Variants in KCNH1 observed in about 807,000 individuals in gnomAD.
KCNH1 encodes the protein potassium voltage-gated channel subfamily H member 1.
In KCNH1, 27 loss-of-function variants were observed where a neutral mutation model predicts 69.2. The observed-to-expected ratio is 0.39, with a 90% CI of 0.29 to 0.54. The LOEUF (loss-of-function observed/expected upper bound fraction) is 0.54, where lower values mean the gene tolerates loss of function less well. KCNH1 is among the 20% of genes least tolerant of loss of function. The pLI is 0.68. For synonymous variants in KCNH1, 456 were observed against 487.7 expected (o/e 0.93, Z 0.86); for missense variants, 798 against 1,261.6 (o/e 0.63, Z 5.57).
chr1:210,683,892 C>G lies in KCNH1; in HGVS notation c.2359G>C (p.Val787Leu). ...SANHSLVKASVVTVRESPATP... is the reference protein window; with the variant it reads ...SANHSLVKASLVTVRESPATP... ...GCAGGACTCTCACGCACGGTGACCA[C>G]GCTGGCCTTCACGAGGCTGTGGTTG... The change falls in exon 11 of 11, where the codon GTG (valine) becomes CTG (leucine). Residue 787 changes from valine (V) to leucine (L), a missense_variant. Transcript: ENST00000271751. The surrounding 1 kb of genome is among the most constrained non-coding windows in gnomAD (Gnocchi z 5.7). The G allele has an allele frequency of 6.2e-7, 1 of 1,613,832 alleles. No individual in the cohort carries two copies. Among genetic ancestry groups the G allele is most frequent in the Non-Finnish European group, 8.5e-7 (1 of 1,179,724 alleles).
intron 6 of KCNH1, among the ~76,000 whole-genome samples, chr1:210,965,456 A>G (rs1358248654): frequency 6.6e-6 from 1 of 152,148 alleles, no homozygotes; most frequent in Non-Finnish European, 1.5e-5. Flanking sequence ...TCTTCACAGA[A>G]TTAGAAAAAA....
chr1:210,742,482 G>A (rs1253283735), intron 10 of KCNH1, among the ~76,000 whole-genome samples: 1 of 152,190 alleles, frequency 6.6e-6, no homozygotes, highest in African/African-American at 2.4e-5. Context: ...GGCTCAAGGA[G>A]GCAGGCCGCA....
chr1:210,816,123 C>G (rs937169701), intron 7 of KCNH1, among the ~76,000 whole-genome samples: 9 of 152,126 alleles, frequency 5.9e-5, no homozygotes, highest in African/African-American at 2.2e-4. Flanking sequence ...AACTCATCAG[C>G]CATTGCCATA....
intron 7 of KCNH1, among the ~76,000 whole-genome samples, chr1:210,854,867 T>C (rs1685798665): frequency 6.6e-6 from 1 of 152,168 alleles, no homozygotes; most frequent in African/African-American, 2.4e-5. Context: ...ATCTCATATA[T>C]GTATAGATAC....
chr1:210,736,056 A>G (rs1682872201), intron 10 of KCNH1, among the ~76,000 whole-genome samples: 1 of 149,842 alleles, frequency 6.7e-6, no homozygotes, highest in African/African-American at 2.5e-5. Context: ...TTTTTTAGAG[A>G]TAGGGTCTCA....
chr1:210,993,832 G>C (rs1055059244), intron 6 of KCNH1, among the ~76,000 whole-genome samples: 5 of 152,058 alleles, frequency 3.3e-5, no homozygotes, highest in African/African-American at 1.2e-4. Flanking sequence ...GTGAGAACAA[G>C]ATTTGTTCTC....
chr1:210,948,412 T>A (rs1687999111), intron 6 of KCNH1, among the ~76,000 whole-genome samples: 1 of 152,056 alleles, frequency 6.6e-6, no homozygotes, highest in Non-Finnish European at 1.5e-5. Flanking sequence ...GAAAAATCAT[T>A]GAGTTAAGGC....
At chr1:210,932,476 A>G (rs1294272998) in intron 6 of KCNH1, among the ~76,000 whole-genome samples, 2 of 152,156 alleles carry the variant, frequency 1.3e-5, no homozygotes, top group Non-Finnish European at 2.9e-5. Context: ...CCAGAAAACA[A>G]CAAACAAAAT....
chr1:211,073,513 T>C (rs907910384), intron 5 of KCNH1, among the ~76,000 whole-genome samples: 1 of 152,172 alleles, frequency 6.6e-6, no homozygotes, highest in African/African-American at 2.4e-5. Context: ...AATCATACAA[T>C]GTCTGCTCTC....
intron 7 of KCNH1, among the ~76,000 whole-genome samples, chr1:210,898,856 T>A (rs555256173): frequency 1.3e-5 from 2 of 152,218 alleles, no homozygotes; most frequent in South Asian, 4.2e-4. Context: ...TGGACTCAGG[T>A]AAAGACAGAA....
intron 7 of KCNH1, among the ~76,000 whole-genome samples, chr1:210,876,364 A>G (rs1451292140): frequency 6.6e-6 from 1 of 152,064 alleles, no homozygotes; most frequent in Non-Finnish European, 1.5e-5. Flanking sequence ...CCTTCCTCCC[A>G]TCCTACATCT....
At chr1:210,774,146 C>G (rs12562303) in intron 10 of KCNH1, among the ~76,000 whole-genome samples, 6,793 of 152,122 alleles carry the variant, frequency 0.045, 297 homozygotes, top group East Asian at 0.14. Flanking sequence ...ATACACCATG[C>G]TGAAATGTGC....
chr1:211,118,615 T>C (rs775770022), intron 1 of KCNH1, among the ~76,000 whole-genome samples: 3 of 152,188 alleles, frequency 2.0e-5, no homozygotes, highest in African/African-American at 7.2e-5. Flanking sequence ...AAACATTCTC[T>C]AAAAATTTAA....
At chr1:210,957,007 G>A (rs755653699) in intron 6 of KCNH1, among the ~76,000 whole-genome samples, 1 of 152,080 alleles carries the variant, frequency 6.6e-6, no homozygotes, top group Non-Finnish European at 1.5e-5. Context: ...TGTGATGTTA[G>A]GGTGTCGATT....
At chr1:210,747,263 A>G (rs1683180765) in intron 10 of KCNH1, among the ~76,000 whole-genome samples, 1 of 152,128 alleles carries the variant, frequency 6.6e-6, no homozygotes, top group Non-Finnish European at 1.5e-5. Context: ...TTAGAGAGCC[A>G]CAGGGAGGTA....
At chr1:210,859,125 G>A in intron 7 of KCNH1, 2 of 1,106,506 alleles carry the variant, frequency 1.8e-6, no homozygotes, top group Non-Finnish European at 2.8e-6. Context: ...CTACTAGGAG[G>A]AACACAAGCT....
chr1:210,822,202 A>C (rs1684943344), intron 7 of KCNH1, among the ~76,000 whole-genome samples: 1 of 151,930 alleles, frequency 6.6e-6, no homozygotes, highest in African/African-American at 2.4e-5. Flanking sequence ...GGGCCCAGAG[A>C]AAAATTTTGA....
chr1:210,820,799 A>G (rs1243410988), intron 7 of KCNH1, among the ~76,000 whole-genome samples: 1 of 152,136 alleles, frequency 6.6e-6, no homozygotes, highest in Non-Finnish European at 1.5e-5. Context: ...TGACTGAAGC[A>G]AGAGGCTGGA....
intron 7 of KCNH1, among the ~76,000 whole-genome samples, chr1:210,884,844 G>A (rs1211816378): frequency 6.6e-6 from 1 of 152,224 alleles, no homozygotes. Context: ...TCAGAAGACT[G>A]TCTTCCATCC....
Sources: allele counts gnomAD v4.1 joint callset (sites outside exome capture counted in the v4.1 genomes callset), GRCh38; gene constraint gnomAD v4.1.1; non-coding constraint Gnocchi (gnomAD v3.1); transcripts MANE v1.5; gene names NCBI Gene and HGNC (gene_info 2026-07-23, HGNC 2026-07-21).